Variants in TRPC6 observed in about 807,000 individuals in gnomAD.
The protein encoded by TRPC6 is short transient receptor potential channel 6.
A neutral mutation model predicts 90.7 loss-of-function variants in TRPC6; 55 were observed. The ratio of observed to expected loss-of-function variants is 0.61; its 90% CI spans 0.49 to 0.76. The LOEUF is 0.76. Among genes scored for constraint, TRPC6 ranks in the 30% least tolerant of loss-of-function variants. The pLI, the probability that TRPC6 is intolerant of heterozygous loss-of-function variation, is 0.00. For synonymous variants in TRPC6, 393 were observed against 393.0 expected, an observed-to-expected ratio of 1.00 and a Z score of 0.00; for missense variants, 989 against 1,122.7, an observed-to-expected ratio of 0.88 and a Z score of 1.70.
chr11:101,536,703 G>GA (rs1219082236), intron 1 of TRPC6, among the ~76,000 whole-genome samples: 2 of 152,312 alleles, frequency 1.3e-5, no homozygotes, highest in African/African-American at 4.8e-5. Flanking sequence ...AAAGGAGAAT[G>GA]ATGCCTCTCT....
At chr11:101,548,941 C>G (rs1446173562) in intron 1 of TRPC6, among the ~76,000 whole-genome samples, 1 of 151,174 alleles carries the variant, frequency 6.6e-6, no homozygotes, top group Non-Finnish European at 1.5e-5. Flanking sequence ...AAGGAAATGT[C>G]AGTGGGTAAC....
At chr11:101,575,116 T>G (rs757648228) in intron 1 of TRPC6, among the ~76,000 whole-genome samples, 1 of 152,190 alleles carries the variant, frequency 6.6e-6, no homozygotes, top group Non-Finnish European at 1.5e-5. Context: ...GCAAATCTTG[T>G]GGTTAAATCC....
intron 10 of TRPC6, among the ~76,000 whole-genome samples, chr11:101,466,605 C>G (rs925736207): frequency 6.6e-6 from 1 of 152,180 alleles, no homozygotes; most frequent in African/African-American, 2.4e-5. Flanking sequence ...GTGCTGGCAG[C>G]GATAATTTCA....
intron 1 of TRPC6, among the ~76,000 whole-genome samples, chr11:101,534,977 C>T (rs1425320145): frequency 6.6e-6 from 1 of 152,092 alleles, no homozygotes; most frequent in African/African-American, 2.4e-5. Flanking sequence ...GCCTGGCCAA[C>T]ATGGCAAAAC....
At chr11:101,502,161 G>T (rs187152285) in intron 2 of TRPC6, among the ~76,000 whole-genome samples, 98 of 152,240 alleles carry the variant, frequency 6.4e-4, no homozygotes, top group South Asian at 1.0e-3. Flanking sequence ...AGATCTTTAC[G>T]TCTTCATCAT....
rs542283077 is a variant in TRPC6 at position 101,515,248 on chromosome 11, C to T, written c.171-10450G>A. Reference sequence around the variant, plus strand: ...TCTCTTCCTTTAATGCCAGCTGTTACATCTGCACCATGTGTCCAAAGAACA... The same window carrying T: ...TCTCTTCCTTTAATGCCAGCTGTTATATCTGCACCATGTGTCCAAAGAACA... On this transcript the variant is annotated intron_variant, in intron 1 of 12. Transcript: ENST00000344327. Among the ~76,000 whole-genome samples, 94 of 152,332 alleles carry T rather than the reference C, an allele frequency of 6.2e-4. 1 individual carries two copies. The South Asian group carries it at 0.017, about 28-fold the overall frequency.
At chr11:101,457,619 A>G (rs544239297) in intron 10 of TRPC6, among the ~76,000 whole-genome samples, 1 of 152,306 alleles carries the variant, frequency 6.6e-6, no homozygotes, top group South Asian at 2.1e-4. Context: ...AAGCTGTGTT[A>G]TACAGTGCTT....
At chr11:101,489,929 G>A (rs766284037) in intron 3 of TRPC6, among the ~76,000 whole-genome samples, 4 of 152,120 alleles carry the variant, frequency 2.6e-5, no homozygotes, top group South Asian at 2.1e-4. Context: ...GAATGGTAAA[G>A]TTGGATAAAA....
intron 4 of TRPC6, among the ~76,000 whole-genome samples, chr11:101,484,767 C>T (rs1859637389): frequency 6.6e-6 from 1 of 151,902 alleles, no homozygotes; most frequent in African/African-American, 2.4e-5. Flanking sequence ...CACATCTTCC[C>T]ATATACTTTA....
intron 1 of TRPC6, among the ~76,000 whole-genome samples, chr11:101,570,340 G>C (rs866109765): frequency 6.6e-6 from 1 of 152,140 alleles, no homozygotes; most frequent in African/African-American, 2.4e-5. Flanking sequence ...TCAAATCCCT[G>C]AATAGACCAA....
At chr11:101,520,776 C>T (rs982204468) in intron 1 of TRPC6, among the ~76,000 whole-genome samples, 1 of 152,092 alleles carries the variant, frequency 6.6e-6, no homozygotes, top group African/African-American at 2.4e-5. Context: ...TTTTGCTATG[C>T]GTTTGCAAAG....
chr11:101,472,190 C>T lies in TRPC6; in HGVS notation c.2152G>A (p.Val718Ile). 2 of 1,612,498 alleles carry T rather than the reference C, an allele frequency of 1.2e-6. No individual in the cohort carries two copies. The highest frequency in any genetic ancestry group is 2.2e-5 in the South Asian group (2 of 91,042). Reference protein sequence around the residue: ...YGVYNVTMVIVLLNMLIAMIN... With the variant: ...YGVYNVTMVIILLNMLIAMIN... ...ATGGCAATTAACATATTTAGCAAAA[C>T]AATGACCATCGTAACATTATAGACT... is the stretch of plus-strand genomic sequence containing the variant. The change falls in exon 8 of 13, where the codon GTT becomes ATT. Residue 718 changes from valine (V) to isoleucine (I), a missense_variant. By Grantham distance (29) the Val-to-Ile change is conservative (BLOSUM62 3). Transcript: ENST00000344327.
chr11:101,537,329 A>G (rs1187346994), intron 1 of TRPC6, among the ~76,000 whole-genome samples: 1 of 152,198 alleles, frequency 6.6e-6, no homozygotes, highest in Non-Finnish European at 1.5e-5. Context: ...AATCATTAAC[A>G]GTCTCACTGT....
rs140753605 is a variant in TRPC6 at position 101,453,575 on chromosome 11, C to T, written c.2644+75G>A. 1.4e-4 allele frequency: 189 copies of T among 1,383,098 alleles called. No individual in the cohort carries two copies. The African/African-American group carries it at 2.2e-3, about 16-fold the overall frequency. The allele number at this position is 1,383,098 out of a possible 1,614,324, so 85.7% of individuals were successfully genotyped here. On this transcript the variant is annotated intron_variant, in intron 12 of 12. Coordinates refer to ENST00000344327, the MANE Select transcript of TRPC6 (RefSeq NM_004621.6). ...ACTCTCCCTGTACGCATCTCTGCAGCTCTCCAGGCACTCTGCGCTAGGCCC... is the reference window on the plus strand; with the variant it reads ...ACTCTCCCTGTACGCATCTCTGCAGTTCTCCAGGCACTCTGCGCTAGGCCC...
chr11:101,567,464 A>G (rs1439243402), intron 1 of TRPC6, among the ~76,000 whole-genome samples: 1 of 152,230 alleles, frequency 6.6e-6, no homozygotes, highest in African/African-American at 2.4e-5. Context: ...CGTCCCTGCC[A>G]GGCAGCTCTG....
rs559149398 is a variant in TRPC6 at position 101,542,041 on chromosome 11, G to A, written c.171-37243C>T. Among the ~76,000 whole-genome samples the A allele has an allele frequency of 9.9e-4, 150 of 152,242 alleles. 1 individual carries two copies. The highest frequency in any genetic ancestry group is 1.9e-3 in the Non-Finnish European group (127 of 68,016). ...AAATGTAATTGGTAGAATGGCTGGC[G>A]CATTCTCTACTGGAAGAGAAAAAGA... On this transcript the variant is annotated intron_variant, in intron 1 of 12. Coordinates refer to ENST00000344327, the MANE Select transcript of TRPC6 (RefSeq NM_004621.6).
intron 1 of TRPC6, among the ~76,000 whole-genome samples, chr11:101,513,774 G>A (rs1225135539): frequency 6.6e-6 from 1 of 152,202 alleles, no homozygotes. Context: ...ATGTTCATAT[G>A]AGGCTTAGGA....
At chr11:101,499,194 T>C (rs1411370090) in intron 2 of TRPC6, among the ~76,000 whole-genome samples, 1 of 152,174 alleles carries the variant, frequency 6.6e-6, no homozygotes. Context: ...GAAATGTAAA[T>C]GATTCCTTAT....
At chr11:101,503,117 A>C (rs1010495821) in intron 2 of TRPC6, among the ~76,000 whole-genome samples, 5 of 152,214 alleles carry the variant, frequency 3.3e-5, no homozygotes, top group Admixed American at 2.6e-4. Flanking sequence ...AGAGGATCAG[A>C]ACTACCTCAA....
Sources: gnomAD v4.1 joint callset for allele counts (sites outside exome capture counted in the v4.1 genomes callset) on GRCh38, gnomAD v4.1.1 for gene constraint, MANE v1.5 for transcripts, NCBI Gene and HGNC (gene_info 2026-07-23, HGNC 2026-07-21) for gene names.